ADARB2: variants seen among roughly 807,000 people sequenced by gnomAD.
The protein encoded by ADARB2 is adenosine deaminase RNA specific B2 (inactive), also known as inactive double-stranded RNA-specific editase B2.
A neutral mutation model predicts 62.2 loss-of-function variants in ADARB2; 25 were observed. The observed-to-expected ratio is 0.40, with a 90% CI of 0.29 to 0.56. The LOEUF is 0.56. Among genes scored for constraint, ADARB2 ranks in the 20% least tolerant of loss-of-function variants. ADARB2 has a pLI of 0.43. For missense variants in ADARB2, 1,071 were observed against 1,077.4 expected (o/e 0.99, Z 0.08); for synonymous variants, 572 against 500.8 (o/e 1.14, Z -1.90).
At position 1,242,230 on chromosome 10, in the gene ADARB2, A is replaced by C. The variant is rs1211066886; in HGVS notation, c.1262T>G (p.Leu421Arg). Residue 421 changes from leucine (L) to arginine (R), a missense_variant, in exon 5 of 10, where the codon CTC (leucine) becomes CGC (arginine). Physicochemically the swap from Leu to Arg is moderately radical, Grantham distance 102. Coordinates refer to ENST00000381312, the MANE Select transcript of ADARB2 (RefSeq NM_018702.4). ...ATTCACCACCAGCCCCTGGTCACTG[A>C]GGTGCTCGCCGCTGATGCACTTGGT... The part of the protein sequence containing the change: ...SGTKCISGEH[L>R]SDQGLVVNDC... 1 of 1,602,370 alleles carries C rather than the reference A, an allele frequency of 6.2e-7. No homozygotes were observed. Among genetic ancestry groups the C allele is most frequent in the Non-Finnish European group, 8.5e-7 (1 of 1,175,744 alleles).
chr10:1,421,549 G>T (rs368148697), intron 1 of ADARB2, among the ~76,000 whole-genome samples: 4 of 152,146 alleles, frequency 2.6e-5, no homozygotes, highest in Admixed American at 1.3e-4. Flanking sequence ...CCTACTGTGG[G>T]CCAGACACTA....
chr10:1,728,764 A>G (rs1209466238), intron 1 of ADARB2, among the ~76,000 whole-genome samples: 2 of 152,212 alleles, frequency 1.3e-5, no homozygotes, highest in Non-Finnish European at 2.9e-5. Context: ...CTGAATATAT[A>G]CCCATCTTTA....
rs190794014 is a variant in ADARB2 at position 1,588,615 on chromosome 10, A to G, written c.100+148436T>C. On this transcript the variant is annotated intron_variant, in intron 1 of 9. Coordinates refer to ENST00000381312, the MANE Select transcript of ADARB2 (RefSeq NM_018702.4). ...GGATGAAGGCAGAGAAAACCTTTCT[A>G]TGCCTGATACCGAGCTCGGAATTTT... Among the ~76,000 whole-genome samples the G allele has an allele frequency of 2.0e-5, 3 of 152,288 alleles. No individual in the cohort carries two copies. The East Asian group carries it at 5.8e-4, about 29-fold the overall frequency.
rs140621730 is a variant in ADARB2, at chr10:1,336,200, C to T, written c.1077+26828G>A. Among the ~76,000 whole-genome samples the T allele has an allele frequency of 1.2e-4, 18 of 152,298 alleles. 1 individual carries two copies. Among genetic ancestry groups the T allele is most frequent in the South Asian group, 4.1e-4 (2 of 4,820 alleles). ...GCCTACAAACAATGGGATCCTGTAA[C>T]GCATTTAAGATGTTACCCACTTGGC... On this transcript the variant is annotated intron_variant, in intron 3 of 9. Transcript: ENST00000381312.
chr10:1,389,657 C>T lies in ADARB2; in HGVS notation c.101-10497G>A, dbSNP rs962615469. On this transcript the variant is annotated intron_variant, in intron 1 of 9. Transcript: ENST00000381312. ...ACTTGGGAGGCTAAGGTTCAAGAAT[C>T]GATTGAACCGGGGAGGCAGAGGTTG... Among the ~76,000 whole-genome samples, 17 of 151,918 alleles carry T rather than the reference C, an allele frequency of 1.1e-4. 1 individual carries two copies. The highest frequency in any genetic ancestry group is 2.4e-4 in the Non-Finnish European group (16 of 67,996).
chr10:1,446,090 A>G (rs1830965241), intron 1 of ADARB2, among the ~76,000 whole-genome samples: 1 of 152,188 alleles, frequency 6.6e-6, no homozygotes, highest in African/African-American at 2.4e-5. Flanking sequence ...ACATGAGGTC[A>G]TTAAGTTAAT....
At chr10:1,318,851 C>T (rs1831769436) in intron 3 of ADARB2, among the ~76,000 whole-genome samples, 2 of 152,150 alleles carry the variant, frequency 1.3e-5, no homozygotes, top group Non-Finnish European at 2.9e-5. Context: ...CCACAAATTC[C>T]CGTGGTGGGT....
intron 7 of ADARB2, among the ~76,000 whole-genome samples, chr10:1,215,223 T>C (rs994322741): frequency 1.3e-5 from 2 of 152,246 alleles, no homozygotes; most frequent in African/African-American, 2.4e-5. Flanking sequence ...CTGTTGGGCA[T>C]ATGGCAGGTG....
intron 1 of ADARB2, among the ~76,000 whole-genome samples, chr10:1,721,350 T>A (rs1835090204): frequency 6.6e-6 from 1 of 152,230 alleles, no homozygotes; most frequent in Non-Finnish European, 1.5e-5. Flanking sequence ...CATAAAATAA[T>A]TCAGAAAGAA....
intron 6 of ADARB2, among the ~76,000 whole-genome samples, chr10:1,219,903 GTAA>G (rs1176376923): frequency 6.9e-6 from 1 of 144,728 alleles, no homozygotes; most frequent in Admixed American, 7.0e-5. Flanking sequence ...GATAATGATG[GTAA>G]TGGTGGTGGC....
chr10:1,408,917 A>G (rs1232826568), intron 1 of ADARB2, among the ~76,000 whole-genome samples: 1 of 152,082 alleles, frequency 6.6e-6, no homozygotes, highest in Non-Finnish European at 1.5e-5. Flanking sequence ...GCGGCTCCTC[A>G]CCCACTGTGG....
chr10:1,690,373 G>T (rs953816504), intron 1 of ADARB2, among the ~76,000 whole-genome samples: 1 of 152,120 alleles, frequency 6.6e-6, no homozygotes, highest in Non-Finnish European at 1.5e-5. Context: ...GTCGTGTGTG[G>T]GTGTAGAATT....
intron 8 of ADARB2, among the ~76,000 whole-genome samples, chr10:1,189,863 C>T (rs1836815830): frequency 8.6e-6 from 1 of 116,876 alleles, no homozygotes; most frequent in African/African-American, 3.8e-5. Context: ...GAACACGTGG[C>T]GCTACCTCCT....
intron 1 of ADARB2, among the ~76,000 whole-genome samples, chr10:1,672,198 C>G (rs1834394690): frequency 6.6e-6 from 1 of 152,152 alleles, no homozygotes; most frequent in Non-Finnish European, 1.5e-5. Context: ...TCTGTCTCCA[C>G]GGGCACTGCC....
chr10:1,514,348 A>C (rs181439178), intron 1 of ADARB2, among the ~76,000 whole-genome samples: 123 of 151,728 alleles, frequency 8.1e-4, no homozygotes, highest in African/African-American at 2.9e-3. Context: ...CACGGCCCTC[A>C]ATTTCAGGGT....
intron 7 of ADARB2, chr10:1,216,664 T>C (rs1830626084): frequency 4.3e-6 from 2 of 467,026 alleles, no homozygotes; most frequent in South Asian, 2.3e-5. Context: ...GTTTGCCCCA[T>C]GCAGCCACAG....
intron 3 of ADARB2, among the ~76,000 whole-genome samples, chr10:1,311,459 G>A (rs534327079): frequency 1.3e-5 from 2 of 152,174 alleles, no homozygotes; most frequent in South Asian, 4.2e-4. Context: ...ATGCTTAGTG[G>A]GTTCTTCCGG....
intron 1 of ADARB2, among the ~76,000 whole-genome samples, chr10:1,601,079 C>T (rs868271002): frequency 6.6e-6 from 1 of 152,206 alleles, no homozygotes; most frequent in East Asian, 1.9e-4. Flanking sequence ...AGTACTCAGA[C>T]ACAAGTTCAG....
rs555928377 is a variant in ADARB2, at chr10:1,628,881, C to T, written c.100+108170G>A. ...CCAGCGAATCACGGCTGCCCAGTGT[C>T]GTGACCACTGGAGGGGCCTCCCTGG... On this transcript the variant is annotated intron_variant, in intron 1 of 9. Coordinates refer to ENST00000381312, the MANE Select transcript of ADARB2 (RefSeq NM_018702.4). 1.0e-4 allele frequency among the ~76,000 whole-genome samples: 16 copies of T among 152,382 alleles called. No individual in the cohort carries two copies. In the East Asian group the frequency reaches 2.5e-3, roughly 24 times the overall value.
Sources: allele counts gnomAD v4.1 joint callset (sites outside exome capture counted in the v4.1 genomes callset), GRCh38; gene constraint gnomAD v4.1.1; transcripts MANE v1.5; gene names NCBI Gene and HGNC (gene_info 2026-07-23, HGNC 2026-07-21).